Variants in CAMSAP1 observed in about 807,000 individuals in gnomAD.
CAMSAP1 encodes calmodulin regulated spectrin associated protein 1.
Under a neutral mutation model 143.5 loss-of-function variants are expected in CAMSAP1, and 58 were observed. The observed-to-expected ratio is 0.40, with a 90% confidence interval of 0.33 to 0.50. The LOEUF (loss-of-function observed/expected upper bound fraction) is 0.50, where lower values mean the gene tolerates loss of function less well. Ranked by LOEUF, CAMSAP1 falls within the 20% of genes least tolerant of loss-of-function variation. CAMSAP1 has a pLI of 0.45. For synonymous variants in CAMSAP1, 945 were observed against 859.3 expected (o/e 1.10, Z -1.74); for missense variants, 1,969 against 2,115.7 (o/e 0.93, Z 1.36).
At chr9:135,896,121 G>A (rs998899755) in intron 1 of CAMSAP1, among the ~76,000 whole-genome samples, 3 of 151,830 alleles carry the variant, frequency 2.0e-5, no homozygotes, top group South Asian at 2.1e-4. Flanking sequence ...ACTGGTAGAG[G>A]GTAGATTAAA....
intron 1 of CAMSAP1, among the ~76,000 whole-genome samples, chr9:135,905,369 G>C (rs937074790): frequency 1.3e-5 from 2 of 152,238 alleles, no homozygotes; most frequent in African/African-American, 4.8e-5. Flanking sequence ...AGCAGATCGT[G>C]AAAGTTCTTT....
chr9:135,854,519 G>A (rs1437545495), intron 5 of CAMSAP1, among the ~76,000 whole-genome samples: 1 of 151,706 alleles, frequency 6.6e-6, no homozygotes, highest in Non-Finnish European at 1.5e-5. Flanking sequence ...CTGGAGTGCA[G>A]TGGCACAATC....
chr9:135,880,784 G>T (rs559395936), intron 3 of CAMSAP1, among the ~76,000 whole-genome samples: 1 of 152,150 alleles, frequency 6.6e-6, no homozygotes, highest in Non-Finnish European at 1.5e-5. Context: ...GTGTTAATGC[G>T]CAAACTTAAA....
intron 7 of CAMSAP1, chr9:135,836,560 C>T: frequency 1.0e-6 from 1 of 982,676 alleles, no homozygotes. Context: ...CCCCGTTCTA[C>T]AGACACACAT....
In CAMSAP1 at chr9:135,827,416, G is replaced by A; in HGVS notation, c.1214C>T (p.Pro405Leu). The A allele has an allele frequency of 6.4e-7, 1 of 1,564,352 alleles. No homozygotes were observed. ...AGAAAGACAGACTTACAGGTATTCA[G>A]GTTCTTCCGGGTGCAGGTAGTGCCT... ...CHRHYLHPEE[P>L]EYLGKGTAAF... Residue 405 changes from proline to leucine, a missense_variant, in exon 8 of 17, where the codon CCT (proline) becomes CTT (leucine). By Grantham distance (98) the Pro-to-Leu change is moderately conservative. Transcript: ENST00000389532.
rs1389967794 is a variant in CAMSAP1, at chr9:135,822,163, C to T, written c.2498G>A (p.Ser833Asn). 6.2e-7 allele frequency: 1 copy of T among 1,613,662 alleles called. No homozygotes were observed. The highest frequency in any genetic ancestry group is 1.7e-5 in the Admixed American group (1 of 60,030). ...CGTGGTCTTCTGGGAGCTGCTGGTG[C>T]TGGACTTGGTCTCACAGCTGTTGAG... ...QRLNSCETKS[S>N]TSSSQKTTPD... is the part of the protein sequence containing the mutation. The change falls in exon 11 of 17, where the codon AGC becomes AAC. Residue 833 changes from serine to asparagine, a missense_variant. Physicochemically the swap from Ser to Asn is conservative, Grantham distance 46. Around this residue, in one of 4 missense-constraint regions of CAMSAP1, gnomAD observed 1,390 missense variants for 1,420.8 expected, o/e 0.98. Coordinates refer to ENST00000389532, the MANE Select transcript of CAMSAP1 (RefSeq NM_015447.4). This position sits in a 1 kb window ranked among gnomAD's most constrained non-coding sequence, Gnocchi z 6.1.
Position 135,889,037 on chromosome 9 carries a change from C to T in CAMSAP1, c.161-5959G>A, listed in dbSNP as rs529715638. 7.9e-4 allele frequency among the ~76,000 whole-genome samples: 121 copies of T among 152,302 alleles called. 1 individual carries two copies. The South Asian group carries it at 9.7e-3, about 12-fold the overall frequency. Reference sequence around the variant, plus strand: ...GGAACCCTCAGAGAGGGGAGAGGATCCCAGAGAAGAGGGGGCTGGATAGGG... The same window carrying T: ...GGAACCCTCAGAGAGGGGAGAGGATTCCAGAGAAGAGGGGGCTGGATAGGG... On this transcript the variant is annotated intron_variant, in intron 1 of 16. Transcript: ENST00000389532.
chr9:135,831,480 TAAAAA>T (rs57460163), intron 7 of CAMSAP1, among the ~76,000 whole-genome samples: 1 of 136,926 alleles, frequency 7.3e-6, no homozygotes, highest in Non-Finnish European at 1.6e-5. Context: ...TTTTTTTAAT[TAAAAA>T]AAAAAAAAGG....
intron 7 of CAMSAP1, among the ~76,000 whole-genome samples, chr9:135,839,484 G>GGA (rs1198402337): frequency 6.6e-6 from 1 of 152,176 alleles, no homozygotes; most frequent in Non-Finnish European, 1.5e-5. Context: ...ATCAGTGGAG[G>GGA]GAGAACATGC....
In CAMSAP1 at chr9:135,811,733, T is replaced by C; in HGVS notation, c.4507-122A>G. On this transcript the variant is annotated intron_variant, in intron 16 of 16. Coordinates refer to ENST00000389532, the MANE Select transcript of CAMSAP1 (RefSeq NM_015447.4). This position sits in a 1 kb window ranked among gnomAD's most constrained non-coding sequence, Gnocchi z 4.9. ...GTGGGAAGCTCTCCCACCCGTCAGC[T>C]ACGGCCTGCCTGTTGTAAACAATTA... 1.1e-6 allele frequency: 1 copy of C among 875,352 alleles called. No individual in the cohort carries two copies. The highest frequency in any genetic ancestry group is 1.8e-6 in the Non-Finnish European group (1 of 570,054). 54.2% of individuals were successfully genotyped at this position (875,352 alleles called of 1,614,324 possible).
At position 135,821,253 on chromosome 9, in the gene CAMSAP1, G is replaced by T. The variant is rs1291464400; in HGVS notation, c.3408C>A (p.Phe1136Leu). ...GCGTCCGAGGGTGGCTGCTGGCAGG[G>T]AAGGGTCTCAAGTGCGGGAGCGTCT... ...SVETLPHLRP[F>L]PASSHPRTPT... The change falls in exon 11 of 17, where the codon TTC (phenylalanine) becomes TTA (leucine). Residue 1136 changes from phenylalanine (F) to leucine (L), a missense_variant. By Grantham distance (22) the Phe-to-Leu change is conservative. Around this residue, in one of 4 missense-constraint regions of CAMSAP1, gnomAD observed 1,390 missense variants for 1,420.8 expected, o/e 0.98. Coordinates refer to ENST00000389532, the MANE Select transcript of CAMSAP1 (RefSeq NM_015447.4). The surrounding 1 kb of genome is among the most constrained non-coding windows in gnomAD (Gnocchi z 4.6). 6.2e-7 allele frequency: 1 copy of T among 1,608,838 alleles called. No homozygotes were observed. The highest frequency in any genetic ancestry group is 2.2e-5 in the East Asian group (1 of 44,872).
At chr9:135,876,869 T>C (rs1453047189) in intron 3 of CAMSAP1, among the ~76,000 whole-genome samples, 1 of 151,678 alleles carries the variant, frequency 6.6e-6, no homozygotes, top group Non-Finnish European at 1.5e-5. Context: ...ATTAGCCAGG[T>C]GTGGTGGCAG....
chr9:135,824,069 C>T lies in CAMSAP1; in HGVS notation c.1316-35G>A, dbSNP rs1248504054. ...AGAGGAATTAGATAGTGTTAAGTAA[C>T]CAATTTTCTATCACTTGAAATTCTT... On this transcript the variant is annotated intron_variant, in intron 9 of 16. Coordinates refer to ENST00000389532, the MANE Select transcript of CAMSAP1 (RefSeq NM_015447.4). This position sits in a 1 kb window ranked among gnomAD's most constrained non-coding sequence, Gnocchi z 4.1. 2 of 1,523,192 alleles carry T rather than the reference C, an allele frequency of 1.3e-6. No individual in the cohort carries two copies. Among genetic ancestry groups the T allele is most frequent in the Admixed American group, 3.9e-5 (2 of 51,248 alleles). The allele number at this position is 1,523,192 out of a possible 1,614,324, so 94.4% of individuals were successfully genotyped here. A position where few individuals can be genotyped will look rare whatever the true frequency, so the allele number is the denominator to read the frequency against.
intron 3 of CAMSAP1, among the ~76,000 whole-genome samples, chr9:135,872,595 C>T (rs1360428052): frequency 1.3e-5 from 2 of 152,128 alleles, no homozygotes; most frequent in Non-Finnish European, 2.9e-5. Flanking sequence ...GCAAGAGCAA[C>T]TACACAGCAT....
chr9:135,836,189 T>G, intron 7 of CAMSAP1: 1 of 985,168 alleles, frequency 1.0e-6, no homozygotes, highest in Non-Finnish European at 1.2e-6. Flanking sequence ...CACATACCTT[T>G]ACCCGTTCCG....
At chr9:135,862,356 G>A in intron 5 of CAMSAP1, 111 bp downstream of exon 5, 1 of 1,246,660 alleles carries the variant, frequency 8.0e-7, no homozygotes, top group Non-Finnish European at 1.1e-6. Flanking sequence ...TTATATTAAG[G>A]ATTCCATTTT....
chr9:135,880,407 G>A (rs911621089), intron 3 of CAMSAP1, among the ~76,000 whole-genome samples: 5 of 151,968 alleles, frequency 3.3e-5, no homozygotes, highest in East Asian at 1.9e-4. Context: ...ACTAGGGCCC[G>A]GAGGCTCCAC....
rs1835348371 is a variant in CAMSAP1 at position 135,819,109 on chromosome 9, C to T, written c.3860G>A (p.Arg1287Gln). Reference protein sequence around the residue: ...QKAEDELAKKRAAFLLKQQRK... With the variant: ...QKAEDELAKKQAAFLLKQQRK... ...CTGCTGCTTCAGGAGGAAGGCCGCC[C>T]GCTTCTTGGCGAGCTCATCTTCCGC... The change falls in exon 12 of 17, where the codon CGG (arginine) becomes CAG (glutamine). Residue 1287 changes from arginine (R) to glutamine (Q), a missense_variant. Physicochemically the swap from Arg to Gln is conservative, Grantham distance 43. This residue lies in a region of CAMSAP1 where 1,390 missense variants were observed against 1,420.8 expected (regional missense o/e 0.98). Transcript: ENST00000389532. 6.2e-7 allele frequency: 1 copy of T among 1,600,966 alleles called. No homozygotes were observed. The highest frequency in any genetic ancestry group is 1.7e-5 in the Admixed American group (1 of 58,674).
intron 3 of CAMSAP1, among the ~76,000 whole-genome samples, chr9:135,874,477 A>AGG (rs1418047783): frequency 8.8e-5 from 4 of 45,620 alleles, no homozygotes; most frequent in African/African-American, 6.4e-5. Context: ...TGTCTCAAAA[A>AGG]AGGGGGGGGG....
Sources: allele counts gnomAD v4.1 joint callset (sites outside exome capture counted in the v4.1 genomes callset), GRCh38; gene constraint gnomAD v4.1.1; regional missense constraint gnomAD v4.1.1; non-coding constraint Gnocchi (gnomAD v3.1); transcripts MANE v1.5; gene names NCBI Gene and HGNC (gene_info 2026-07-23, HGNC 2026-07-21).